MEGF10: variants seen among roughly 807,000 people sequenced by gnomAD.
MEGF10 encodes multiple EGF like domains 10.
In MEGF10, 86 loss-of-function variants were observed where a neutral mutation model predicts 147.5. The observed-to-expected ratio is 0.58, with a 90% CI of 0.49 to 0.70. The LOEUF is 0.70. Among genes scored for constraint, MEGF10 ranks in the 30% least tolerant of loss-of-function variants. The pLI, the probability that MEGF10 is intolerant of heterozygous loss-of-function variation, is 0.00. For missense variants in MEGF10, 1,329 were observed against 1,487.3 expected (o/e 0.89, Z 1.75); for synonymous variants, 478 against 525.5 (o/e 0.91, Z 1.24).
chr5:127,332,876 G>A (rs926794755), intron 2 of MEGF10, among the ~76,000 whole-genome samples: 1 of 152,114 alleles, frequency 6.6e-6, no homozygotes. Flanking sequence ...GAACTTCTTG[G>A]AGGGATGATA....
At chr5:127,332,635 G>T (rs1231321358) in intron 2 of MEGF10, among the ~76,000 whole-genome samples, 1 of 152,112 alleles carries the variant, frequency 6.6e-6, no homozygotes, top group Non-Finnish European at 1.5e-5. Context: ...ACTTTAAGCT[G>T]CAGAGAGAAT....
chr5:127,291,757 AG>A (rs1175850670), intron 1 of MEGF10, among the ~76,000 whole-genome samples: 1 of 152,204 alleles, frequency 6.6e-6, no homozygotes, highest in Non-Finnish European at 1.5e-5. Flanking sequence ...GCCTGGTTTA[AG>A]GAAGTGTTTT....
At chr5:127,307,568 C>T (rs1405151421) in intron 1 of MEGF10, among the ~76,000 whole-genome samples, 2 of 152,160 alleles carry the variant, frequency 1.3e-5, no homozygotes, top group South Asian at 2.1e-4. Context: ...TATGTTGGCT[C>T]ATGGTGAGGG....
chr5:127,398,252 A>AT (rs1370718675), intron 6 of MEGF10, among the ~76,000 whole-genome samples: 2 of 152,172 alleles, frequency 1.3e-5, no homozygotes, highest in Non-Finnish European at 2.9e-5. Flanking sequence ...TAAAAAAAAA[A>AT]GGATGATGAA....
intron 13 of MEGF10, chr5:127,424,378 A>T (rs1345847289): frequency 1.3e-6 from 1 of 757,088 alleles, no homozygotes; most frequent in South Asian, 1.5e-5. Context: ...TTTCCATGTG[A>T]ATGGTAACAT....
chr5:127,437,531 G>C (rs899405711), intron 16 of MEGF10, among the ~76,000 whole-genome samples: 5 of 151,978 alleles, frequency 3.3e-5, no homozygotes, highest in African/African-American at 1.2e-4. Context: ...AATTACAGGT[G>C]GTCCTCCTTT....
At chr5:127,411,492 C>T (rs569486742) in intron 9 of MEGF10, among the ~76,000 whole-genome samples, 9 of 152,210 alleles carry the variant, frequency 5.9e-5, no homozygotes, top group African/African-American at 1.7e-4. Context: ...TAAACAAAAG[C>T]GTGTGGTTGG....
chr5:127,279,858 T>C, the MEGF10 span, among the ~76,000 whole-genome samples: 2 of 152,170 alleles, frequency 1.3e-5, no homozygotes, highest in East Asian at 1.9e-4. Context: ...GATGGTGTTA[T>C]AGACAAATCA....
chr5:127,417,231 G>A (rs1278440859), intron 9 of MEGF10, among the ~76,000 whole-genome samples: 3 of 152,190 alleles, frequency 2.0e-5, no homozygotes, highest in African/African-American at 7.2e-5. Context: ...AGGAGAAACA[G>A]GCTGACAAGG....
At chr5:127,242,039 G>T in the MEGF10 span, among the ~76,000 whole-genome samples, 2 of 152,142 alleles carry the variant, frequency 1.3e-5, no homozygotes, top group Non-Finnish European at 2.9e-5. Context: ...ACCCCAAAAG[G>T]TTACGTACAG....
chr5:127,322,085 A>AT (rs1376423963), intron 1 of MEGF10, among the ~76,000 whole-genome samples: 295 of 151,636 alleles, frequency 1.9e-3, no homozygotes, highest in African/African-American at 3.4e-3. Flanking sequence ...AAAAAAAAAA[A>AT]AATAATAATG....
At chr5:127,368,221 A>G (rs1445944042) in intron 4 of MEGF10, among the ~76,000 whole-genome samples, 1 of 152,048 alleles carries the variant, frequency 6.6e-6, no homozygotes, top group African/African-American at 2.4e-5. Context: ...TTCTGCTTTT[A>G]ATTGCAATGA....
At chr5:127,357,845 A>G (rs1762333890) in intron 4 of MEGF10, among the ~76,000 whole-genome samples, 1 of 152,206 alleles carries the variant, frequency 6.6e-6, no homozygotes, top group South Asian at 2.1e-4. Flanking sequence ...GCTATTGGTA[A>G]CACTGGCTTG....
chr5:127,372,655 T>C (rs1762887451), intron 5 of MEGF10, among the ~76,000 whole-genome samples: 1 of 152,204 alleles, frequency 6.6e-6, no homozygotes, highest in Non-Finnish European at 1.5e-5. Flanking sequence ...ACTGGCCAGG[T>C]ATCCTGTAGA....
Position 127,454,294 on chromosome 5 carries a change from A to G in MEGF10, c.2981-272A>G, listed in dbSNP as rs76912327. Among the ~76,000 whole-genome samples, 1,734 of 152,350 alleles carry G rather than the reference A, an allele frequency of 0.011. 111 individuals carry two copies. In the East Asian group the frequency reaches 0.14, roughly 12 times the overall value. ...TTCACTGTGCAACCTTGAATCAAGT[A>G]TACTGATTTATCTCTGGGCCTCAGT... is the stretch of plus-strand genomic sequence containing the variant. On this transcript the variant is annotated intron_variant, in intron 22 of 24. Transcript: ENST00000503335.
rs141605398 is a variant in MEGF10, at chr5:127,454,478, A to G, written c.2981-88A>G. The G allele has an allele frequency of 4.6e-4, 534 of 1,173,496 alleles. No individual in the cohort carries two copies. The African/African-American group carries it at 7.4e-3, about 16-fold the overall frequency. The allele number at this position is 1,173,496 out of a possible 1,614,324, so 72.7% of individuals were successfully genotyped here. A position where few individuals can be genotyped will look rare whatever the true frequency, so the allele number is the denominator to read the frequency against. ...CAGCCTGGTTGTTTGCTGCAGTGGG[A>G]GATCCTCTTCCAGGACCTTGGGATA... On this transcript the variant is annotated intron_variant, in intron 22 of 24. Coordinates refer to ENST00000503335, the MANE Select transcript of MEGF10 (RefSeq NM_001256545.2).
In MEGF10 at chr5:127,431,607, A is replaced by C. The variant is rs547415697; in HGVS notation, c.1694-1756A>C. Among the ~76,000 whole-genome samples the C allele has an allele frequency of 3.3e-5, 5 of 152,310 alleles. No homozygotes were observed. The East Asian group carries it at 5.8e-4, about 18-fold the overall frequency. On this transcript the variant is annotated intron_variant, in intron 13 of 24. Transcript: ENST00000503335. ...CTTCGTTGGGATTTGTCTTGATGGCATCAGACCAAAATGCCCTGGGTTGAT... is the reference window on the plus strand; with the variant it reads ...CTTCGTTGGGATTTGTCTTGATGGCCTCAGACCAAAATGCCCTGGGTTGAT...
chr5:127,243,049 T>C, the MEGF10 span, among the ~76,000 whole-genome samples: 1 of 152,218 alleles, frequency 6.6e-6, no homozygotes, highest in African/African-American at 2.4e-5. Context: ...AATGGCTATT[T>C]TCTTTGTTTT....
At chr5:127,268,607 G>A in the MEGF10 span, among the ~76,000 whole-genome samples, 1 of 152,190 alleles carries the variant, frequency 6.6e-6, no homozygotes, top group Non-Finnish European at 1.5e-5. Context: ...GAACTGGGTG[G>A]AGCCCACCGC....
Sources: gnomAD v4.1 joint callset for allele counts (sites outside exome capture counted in the v4.1 genomes callset) on GRCh38, gnomAD v4.1.1 for gene constraint, MANE v1.5 for transcripts, NCBI Gene and HGNC (gene_info 2026-07-23, HGNC 2026-07-21) for gene names.